The following GRM7 variants were observed in gnomAD, a reference collection of about 807,000 sequenced individuals.
GRM7 encodes the protein metabotropic glutamate receptor 7.
A neutral mutation model predicts 84.5 loss-of-function variants in GRM7; 35 were observed. That is an observed-to-expected ratio of 0.41 (90% CI 0.32 to 0.55). The LOEUF is 0.55. GRM7 is among the 20% of genes least tolerant of loss of function. The pLI, the probability that GRM7 is intolerant of heterozygous loss-of-function variation, is 0.19. For synonymous variants in GRM7, 487 were observed against 455.1 expected (o/e 1.07, Z -0.89); for missense variants, 1,003 against 1,194.6 (o/e 0.84, Z 2.36).
intron 9 of GRM7, among the ~76,000 whole-genome samples, chr3:7,711,910 A>T (rs1701593800): frequency 6.6e-6 from 1 of 152,222 alleles, no homozygotes; most frequent in African/African-American, 2.4e-5. Flanking sequence ...CTACACTGTA[A>T]CTAAACCAAT....
At chr3:7,330,516 A>G (rs7632563) in intron 4 of GRM7, among the ~76,000 whole-genome samples, 135,522 of 152,166 alleles carry the variant, frequency 0.89, 60,458 homozygotes, top group African/African-American at 0.94. Flanking sequence ...TAATTCCCAC[A>G]TGTTGTGTGA....
intron 8 of GRM7, among the ~76,000 whole-genome samples, chr3:7,650,110 T>C (rs952083676): frequency 1.2e-4 from 19 of 152,212 alleles, no homozygotes; most frequent in Non-Finnish European, 2.4e-4. Context: ...CCTTTTATCC[T>C]ACGCAAGGAA....
intron 8 of GRM7, among the ~76,000 whole-genome samples, chr3:7,659,537 T>C (rs1699345565): frequency 1.3e-5 from 2 of 152,150 alleles, no homozygotes; most frequent in Admixed American, 1.3e-4. Flanking sequence ...TCCTCATAGG[T>C]TATAAAATAC....
chr3:7,392,200 A>AACT (rs1298017523), intron 4 of GRM7, among the ~76,000 whole-genome samples: 2 of 152,136 alleles, frequency 1.3e-5, no homozygotes, highest in Non-Finnish European at 2.9e-5. Flanking sequence ...CCAAGGGAGC[A>AACT]GACTAGAACA....
intron 1 of GRM7, among the ~76,000 whole-genome samples, chr3:6,896,453 G>C (rs145730143): frequency 6.6e-6 from 1 of 152,162 alleles, no homozygotes; most frequent in Non-Finnish European, 1.5e-5. Context: ...AATAGATTTT[G>C]CTTGATATAA....
intron 1 of GRM7, among the ~76,000 whole-genome samples, chr3:7,096,876 T>G (rs1359651291): frequency 6.6e-6 from 1 of 152,182 alleles, no homozygotes; most frequent in African/African-American, 2.4e-5. Flanking sequence ...ATATTCTTTA[T>G]TATGCTATAG....
chr3:7,426,102 C>G (rs1696597572), intron 5 of GRM7, among the ~76,000 whole-genome samples: 1 of 151,200 alleles, frequency 6.6e-6, no homozygotes, highest in African/African-American at 2.4e-5. Flanking sequence ...TACGTTCTTT[C>G]TTTCTTTCTT....
chr3:7,441,595 A>G (rs897127067), intron 5 of GRM7, among the ~76,000 whole-genome samples: 9 of 152,102 alleles, frequency 5.9e-5, no homozygotes, highest in African/African-American at 2.2e-4. Flanking sequence ...ATTTTCTTAA[A>G]GAGTTTGTAT....
intron 1 of GRM7, among the ~76,000 whole-genome samples, chr3:7,105,945 T>C (rs915909028): frequency 6.6e-6 from 1 of 151,904 alleles, no homozygotes; most frequent in Non-Finnish European, 1.5e-5. Flanking sequence ...GGAATTTATA[T>C]TGGTATTTAT....
chr3:6,889,526 G>T (rs1168954773), intron 1 of GRM7, among the ~76,000 whole-genome samples: 2 of 151,898 alleles, frequency 1.3e-5, no homozygotes, highest in Non-Finnish European at 2.9e-5. Flanking sequence ...TTATATGCTG[G>T]ATTACATTTA....
intron 1 of GRM7, among the ~76,000 whole-genome samples, chr3:7,075,936 ATT>A (rs111508007): frequency 2.0e-5 from 3 of 149,476 alleles, no homozygotes; most frequent in African/African-American, 7.3e-5. Flanking sequence ...CTGACTTTTA[ATT>A]TTTTTTTTTA....
intron 2 of GRM7, among the ~76,000 whole-genome samples, chr3:7,223,589 T>C (rs892454816): frequency 1.3e-5 from 2 of 152,194 alleles, no homozygotes; most frequent in Non-Finnish European, 2.9e-5. Context: ...TATAGAAATG[T>C]TTTATATTTT....
chr3:7,103,049 G>A (rs527496249), intron 1 of GRM7, among the ~76,000 whole-genome samples: 2 of 151,668 alleles, frequency 1.3e-5, no homozygotes, highest in Admixed American at 6.6e-5. Flanking sequence ...TTAGAAGCCC[G>A]TTTCCACTGA....
In GRM7 at chr3:7,453,029, A is replaced by ATTTTT. The variant is rs60916756; in HGVS notation, c.1375+234_1375+238dup. On this transcript the variant is annotated intron_variant, in intron 6 of 9. Coordinates refer to ENST00000357716, the MANE Select transcript of GRM7 (RefSeq NM_000844.4). ...TTGGTCTCATTTTCTTGAAATAGAG[A>ATTTTT]TTTTTTTTTTTTTTTTGCACTATGC... Among the ~76,000 whole-genome samples the ATTTTT allele has an allele frequency of 3.7e-4, 52 of 141,932 alleles. 1 individual carries two copies. Among genetic ancestry groups the ATTTTT allele is most frequent in the African/African-American group, 1.2e-3 (45 of 38,326 alleles). 93.1% of individuals were successfully genotyped at this position (141,932 alleles called of 152,430 possible). A position where few individuals can be genotyped will look rare whatever the true frequency, so the allele number is the denominator to read the frequency against.
At chr3:7,070,919 TA>T (rs902921773) in intron 1 of GRM7, among the ~76,000 whole-genome samples, 5 of 152,274 alleles carry the variant, frequency 3.3e-5, no homozygotes, top group Middle Eastern at 6.8e-3. Flanking sequence ...TCAACTTCAC[TA>T]AAAAGAGTTC....
chr3:7,159,862 A>G (rs541831972), intron 2 of GRM7, among the ~76,000 whole-genome samples: 1 of 152,234 alleles, frequency 6.6e-6, no homozygotes, highest in South Asian at 2.1e-4. Context: ...AAAGTTCAAA[A>G]TCAGTGGTGA....
chr3:7,130,959 A>G (rs914126096), intron 1 of GRM7, among the ~76,000 whole-genome samples: 11 of 152,108 alleles, frequency 7.2e-5, no homozygotes, highest in African/African-American at 2.4e-4. Context: ...ACACACACAC[A>G]CGCACACACG....
chr3:7,028,275 G>C (rs1193109562), intron 1 of GRM7, among the ~76,000 whole-genome samples: 5 of 152,122 alleles, frequency 3.3e-5, no homozygotes, highest in Admixed American at 3.3e-4. Context: ...TGCCCAATGA[G>C]TTTGTAAGCA....
At chr3:7,410,138 C>T (rs1381554285) in intron 4 of GRM7, among the ~76,000 whole-genome samples, 1 of 152,096 alleles carries the variant, frequency 6.6e-6, no homozygotes, top group African/African-American at 2.4e-5. Context: ...AGCTGAAGAG[C>T]TCAGGCCTAC....
Sources: gnomAD v4.1 joint callset for allele counts (sites outside exome capture counted in the v4.1 genomes callset) on GRCh38, gnomAD v4.1.1 for gene constraint, MANE v1.5 for transcripts, NCBI Gene and HGNC (gene_info 2026-07-23, HGNC 2026-07-21) for gene names.